Variants in ACSF3 observed in about 807,000 individuals in gnomAD.
The protein encoded by ACSF3 is malonate--CoA ligase ACSF3, mitochondrial.
In ACSF3, 78 loss-of-function variants were observed where a neutral mutation model predicts 53.2. The ratio of observed to expected loss-of-function variants is 1.47; its 90% CI spans 1.22 to 1.77. The LOEUF is 1.77. ACSF3 is among the 40% of genes most tolerant of loss of function. ACSF3 has a pLI of 0.00. For synonymous variants in ACSF3, 414 were observed against 333.1 expected (o/e 1.24, Z -2.65); for missense variants, 937 against 771.1 (o/e 1.22, Z -2.55).
rs1028986665 is a variant in ACSF3, at chr16:89,156,055, A to C, written c.*1848A>C. On this transcript the variant is annotated 3_prime_UTR_variant, in exon 11 of 11. Coordinates refer to ENST00000614302, the MANE Select transcript of ACSF3 (RefSeq NM_001243279.3). ...GACATGCGGTTGAATGCCGTGTTCTAAAGTCACGAGTGACTCTCCAGCTGG... is the reference window on the plus strand; with the variant it reads ...GACATGCGGTTGAATGCCGTGTTCTCAAGTCACGAGTGACTCTCCAGCTGG... 6.6e-6 allele frequency among the ~76,000 whole-genome samples: 1 copy of C among 152,146 alleles called. No individual in the cohort carries two copies.
intron 7 of ACSF3, among the ~76,000 whole-genome samples, chr16:89,124,909 C>G (rs1907672157): frequency 6.6e-6 from 1 of 152,244 alleles, no homozygotes; most frequent in Non-Finnish European, 1.5e-5. Context: ...GTTCTGTTCC[C>G]TTGATCTATG....
chr16:89,094,560 G>A (rs935554882), intron 1 of ACSF3, among the ~76,000 whole-genome samples: 1 of 152,134 alleles, frequency 6.6e-6, no homozygotes, highest in African/African-American at 2.4e-5. Context: ...GGTGAGGCCC[G>A]GTGCAGTCAG....
At chr16:89,112,396 C>G (rs1976802031) in intron 5 of ACSF3, 150 bp downstream of exon 5, 1 of 1,005,972 alleles carries the variant, frequency 9.9e-7, no homozygotes. Flanking sequence ...GTCTCCGTCT[C>G]TACCTCTCTA....
At chr16:89,146,831 C>T (rs929672754) in intron 10 of ACSF3, among the ~76,000 whole-genome samples, 2 of 152,202 alleles carry the variant, frequency 1.3e-5, no homozygotes, top group African/African-American at 4.8e-5. Context: ...CTTTTGCCAG[C>T]AGTGGTGGTG....
rs528237336 is a variant in ACSF3, at chr16:89,101,260, G to A, written c.579G>A (p.Arg193=). ...AEVPVPEQGW[R]NKGAMIIYTS... ...TCCCGGTCCCAGAGCAGGGATGGAG[G>A]AACAAGGGCGCCATGATCATCTACA... The change falls in exon 3 of 11, where the codon AGG becomes AGA. Residue 193 remains arginine, a synonymous_variant. Transcript: ENST00000614302. 1.7e-4 allele frequency: 276 copies of A among 1,601,140 alleles called. 2 individuals are homozygous for A. In the South Asian group the frequency reaches 2.8e-3, roughly 16 times the overall value.
chr16:89,109,223 C>A (rs1296361561), intron 4 of ACSF3, among the ~76,000 whole-genome samples: 1 of 117,328 alleles, frequency 8.5e-6, no homozygotes, highest in Non-Finnish European at 1.7e-5. Flanking sequence ...CAGAGCAAGA[C>A]TGTCTCAAAA....
At chr16:89,131,906 G>A in intron 7 of ACSF3, among the ~76,000 whole-genome samples, 1 of 152,270 alleles carries the variant, frequency 6.6e-6, no homozygotes, top group East Asian at 1.9e-4. Flanking sequence ...GTCACCATGT[G>A]GGGCAGGTGT....
rs146457007 is a variant in ACSF3, at chr16:89,111,450, G to C, written c.823-642G>C. On this transcript the variant is annotated intron_variant, in intron 4 of 10. Coordinates refer to ENST00000614302, the MANE Select transcript of ACSF3 (RefSeq NM_001243279.3). ...GTGTCCTGGGCCTCCCTTAGGTGCT[G>C]ACCCCACAGCACGAAGAGTGCCCTC... Among the ~76,000 whole-genome samples the C allele has an allele frequency of 2.6e-3, 395 of 152,328 alleles. 4 individuals are homozygous for C. The highest frequency in any genetic ancestry group is 2.9e-3 in the Non-Finnish European group (194 of 68,032).
intron 10 of ACSF3, chr16:89,151,567 G>T: frequency 4.7e-6 from 1 of 214,144 alleles, no homozygotes; most frequent in Non-Finnish European, 9.5e-6. Context: ...AGGAATAGAG[G>T]GTTACTTTCA....
intron 4 of ACSF3, among the ~76,000 whole-genome samples, chr16:89,107,351 G>A (rs967283494): frequency 1.3e-5 from 2 of 152,010 alleles, no homozygotes; most frequent in African/African-American, 2.4e-5. Flanking sequence ...GCCTTGTCCC[G>A]TTGCGTGCAT....
intron 7 of ACSF3, among the ~76,000 whole-genome samples, chr16:89,131,717 T>A (rs1909357721): frequency 6.6e-6 from 1 of 152,008 alleles, no homozygotes; most frequent in Non-Finnish European, 1.5e-5. Flanking sequence ...TGCCTTGCTG[T>A]CTCTACATGT....
chr16:89,152,310 CTT>C (rs1239729307), intron 10 of ACSF3: 2 of 152,290 alleles, frequency 1.3e-5, no homozygotes, highest in African/African-American at 4.8e-5. Context: ...TTCAATAAAA[CTT>C]TAGATTCCCA....
chr16:89,141,281 G>A, intron 8 of ACSF3: 2 of 1,287,280 alleles, frequency 1.6e-6, no homozygotes, highest in African/African-American at 1.5e-5. Flanking sequence ...AGGCGGGTGA[G>A]GCGGGCGCTG....
rs139822525 is a variant in ACSF3, at chr16:89,109,702, C to T, written c.823-2390C>T. Reference sequence around the variant, plus strand: ...GCTGTGATTATAGCCGTGAGCCCGCCGCACCCGGCCAGATGTTGAGCATTT... The same window carrying T: ...GCTGTGATTATAGCCGTGAGCCCGCTGCACCCGGCCAGATGTTGAGCATTT... On this transcript the variant is annotated intron_variant, in intron 4 of 10. Transcript: ENST00000614302. 4.0e-3 allele frequency among the ~76,000 whole-genome samples: 611 copies of T among 152,256 alleles called. 3 individuals are homozygous for T. Among genetic ancestry groups the T allele is most frequent in the African/African-American group, 0.014 (569 of 41,566 alleles).
chr16:89,120,703 C>A (rs1005725796), intron 6 of ACSF3, 98 bp from the exon 7 acceptor site: 3 of 1,190,538 alleles, frequency 2.5e-6, no homozygotes, highest in African/African-American at 3.0e-5. Flanking sequence ...CCGCACGTGG[C>A]ACACGGGAGC....
intron 6 of ACSF3, among the ~76,000 whole-genome samples, chr16:89,116,741 G>A (rs1260509439): frequency 6.6e-6 from 1 of 152,166 alleles, no homozygotes; most frequent in Admixed American, 6.5e-5. Flanking sequence ...TCAGACCCCA[G>A]GAAACCGCCG....
intron 4 of ACSF3, among the ~76,000 whole-genome samples, chr16:89,110,424 A>G (rs988854426): frequency 1.3e-5 from 2 of 152,104 alleles, no homozygotes; most frequent in East Asian, 1.9e-4. Context: ...CCTTTTCCCT[A>G]TTGGGGACTT....
At position 89,126,018 on chromosome 16, in the gene ACSF3, C is replaced by A. The variant is rs371681047; in HGVS notation, c.1239+5105C>A. Reference sequence around the variant, plus strand: ...CTCCATTTACTTAGATCCGTGAACACGGTATGTTTCTCCATTTACATAGAT... The same window carrying A: ...CTCCATTTACTTAGATCCGTGAACAAGGTATGTTTCTCCATTTACATAGAT... On this transcript the variant is annotated intron_variant, in intron 7 of 10. Transcript: ENST00000614302. 4.6e-4 allele frequency among the ~76,000 whole-genome samples: 70 copies of A among 152,304 alleles called. No homozygotes were observed. In the East Asian group the frequency reaches 8.9e-3, roughly 19 times the overall value.
chr16:89,121,499 G>A (rs1017345619), intron 7 of ACSF3, among the ~76,000 whole-genome samples: 3 of 152,220 alleles, frequency 2.0e-5, no homozygotes, highest in African/African-American at 7.2e-5. Flanking sequence ...ATTTCTGTGA[G>A]GATTTTAACA....
Sources: allele counts gnomAD v4.1 joint callset (sites outside exome capture counted in the v4.1 genomes callset), GRCh38; gene constraint gnomAD v4.1.1; transcripts MANE v1.5; gene names NCBI Gene and HGNC (gene_info 2026-07-23, HGNC 2026-07-21).